The following DNAJC3 variants were observed in gnomAD, a reference collection of about 807,000 sequenced individuals.
DNAJC3 encodes DnaJ heat shock protein family (Hsp40) member C3.
Under a neutral mutation model 68.6 loss-of-function variants are expected in DNAJC3, and 38 were observed. The observed-to-expected ratio is 0.55, with a 90% CI of 0.43 to 0.73. The LOEUF is 0.73. DNAJC3 is among the 30% of genes least tolerant of loss of function. The probability of loss-of-function intolerance (pLI) is 0.00; values close to 1 mark genes in which losing one functional copy is unlikely to be tolerated. For synonymous variants in DNAJC3, 203 were observed against 204.0 expected (o/e 1.00, Z 0.04); for missense variants, 526 against 591.9 (o/e 0.89, Z 1.16).
In DNAJC3 at chr13:95,763,813, T is replaced by C. The variant is rs1302195827; in HGVS notation, c.955-20T>C. 1 of 1,613,930 alleles carries C rather than the reference T, an allele frequency of 6.2e-7. No individual in the cohort carries two copies. The highest frequency in any genetic ancestry group is 8.5e-7 in the Non-Finnish European group (1 of 1,179,936). ...ATGTGGAATACCAACCATAAATCCT[T>C]GTCTCACATTTCCTTTTAGGACGAG... On this transcript the variant is annotated intron_variant, in intron 8 of 11. Transcript: ENST00000602402.
At chr13:95,723,039 G>T (rs200267635) in intron 2 of DNAJC3, among the ~76,000 whole-genome samples, 66 of 151,852 alleles carry the variant, frequency 4.3e-4, no homozygotes, top group Non-Finnish European at 8.7e-4. Context: ...GATGTGGCTT[G>T]GGCTGTACTT....
At chr13:95,695,801 C>T (rs1486704272) in intron 1 of DNAJC3, 2 of 152,214 alleles carry the variant, frequency 1.3e-5, no homozygotes, top group East Asian at 1.9e-4. Flanking sequence ...ATTCCCGCTT[C>T]ACCGTCAACA....
At chr13:95,679,827 TAAA>T (rs552840561) in intron 1 of DNAJC3, among the ~76,000 whole-genome samples, 1 of 152,134 alleles carries the variant, frequency 6.6e-6, no homozygotes, top group Non-Finnish European at 1.5e-5. Context: ...AATTCACTTT[TAAA>T]AAAAGAAATG....
intron 2 of DNAJC3, among the ~76,000 whole-genome samples, chr13:95,715,733 C>G (rs1281228206): frequency 6.6e-6 from 1 of 151,860 alleles, no homozygotes; most frequent in African/African-American, 2.4e-5. Flanking sequence ...TGATCCACCC[C>G]CCCTTGGCCT....
intron 4 of DNAJC3, among the ~76,000 whole-genome samples, chr13:95,732,695 T>A (rs1032838568): frequency 1.3e-5 from 2 of 151,438 alleles, no homozygotes; most frequent in African/African-American, 2.4e-5. Context: ...GTGATCTTTA[T>A]TTTTTTTTCC....
At chr13:95,750,431 C>A (rs1027952011) in intron 4 of DNAJC3, among the ~76,000 whole-genome samples, 2 of 152,100 alleles carry the variant, frequency 1.3e-5, no homozygotes, top group Non-Finnish European at 2.9e-5. Context: ...TGATCTCCAT[C>A]GTCATCTATA....
intron 9 of DNAJC3, among the ~76,000 whole-genome samples, chr13:95,764,321 C>T (rs1249382966): frequency 2.0e-5 from 3 of 150,402 alleles, no homozygotes; most frequent in Non-Finnish European, 4.4e-5. Flanking sequence ...ACATATATTA[C>T]TCTATATTTT....
intron 4 of DNAJC3, among the ~76,000 whole-genome samples, chr13:95,755,136 C>T (rs1594007697): frequency 6.6e-6 from 1 of 152,022 alleles, no homozygotes; most frequent in East Asian, 1.9e-4. Context: ...AGTCAACAGC[C>T]TCATGGTAAT....
intron 9 of DNAJC3, among the ~76,000 whole-genome samples, chr13:95,768,134 TTG>T (rs1883055862): frequency 6.6e-6 from 1 of 152,210 alleles, no homozygotes; most frequent in Admixed American, 6.5e-5. Context: ...CATATGCCAT[TTG>T]TATATTTTCT....
chr13:95,786,862 G>T (rs181397266), intron 10 of DNAJC3, 145 bp from the exon 11 acceptor site: 3 of 913,504 alleles, frequency 3.3e-6, no homozygotes, highest in African/African-American at 1.7e-5. Flanking sequence ...TGTGTATGCA[G>T]ATCTTTGGCC....
intron 9 of DNAJC3, 79 bp from the exon 10 acceptor site, chr13:95,785,860 A>C: frequency 7.3e-7 from 1 of 1,363,212 alleles, no homozygotes; most frequent in Non-Finnish European, 9.8e-7. Context: ...TGACGACTTT[A>C]GCATCAATTT....
chr13:95,782,101 A>G (rs1883472860), intron 9 of DNAJC3, among the ~76,000 whole-genome samples: 1 of 152,144 alleles, frequency 6.6e-6, no homozygotes, highest in Non-Finnish European at 1.5e-5. Flanking sequence ...AATGGTTTCC[A>G]GCTTCATCCA....
At chr13:95,721,580 A>T (rs985461721) in intron 2 of DNAJC3, among the ~76,000 whole-genome samples, 1 of 149,778 alleles carries the variant, frequency 6.7e-6, no homozygotes, top group African/African-American at 2.5e-5. Context: ...TTGTTATTTT[A>T]TCTTTTTATT....
At chr13:95,712,251 T>C (rs1880994456) in intron 2 of DNAJC3, among the ~76,000 whole-genome samples, 1 of 152,312 alleles carries the variant, frequency 6.6e-6, no homozygotes, top group East Asian at 1.9e-4. Flanking sequence ...CATCATACTT[T>C]ATGGTGAATA....
chr13:95,773,580 A>G (rs1296439818), intron 9 of DNAJC3, among the ~76,000 whole-genome samples: 1 of 151,998 alleles, frequency 6.6e-6, no homozygotes, highest in Non-Finnish European at 1.5e-5. Context: ...ACATTGCTGA[A>G]TTTGTTGGCA....
intron 2 of DNAJC3, among the ~76,000 whole-genome samples, chr13:95,717,695 C>T (rs1263465566): frequency 2.0e-5 from 3 of 152,198 alleles, no homozygotes; most frequent in Non-Finnish European, 4.4e-5. Context: ...ATAAGTCTCA[C>T]GAGATCTGAA....
chr13:95,711,748 A>G (rs192809005), intron 2 of DNAJC3, among the ~76,000 whole-genome samples: 2 of 152,334 alleles, frequency 1.3e-5, no homozygotes, highest in East Asian at 3.9e-4. Flanking sequence ...GAGAAATAAC[A>G]AATTTATAAT....
At chr13:95,688,935 T>G (rs944622525) in intron 1 of DNAJC3, among the ~76,000 whole-genome samples, 54 of 139,900 alleles carry the variant, frequency 3.9e-4, no homozygotes, top group Middle Eastern at 3.7e-3. Context: ...TGGGTGTGTG[T>G]GTGTGTGTGT....
chr13:95,725,273 A>C (rs747783928), intron 4 of DNAJC3, 21 bp downstream of exon 4: 9 of 1,539,110 alleles, frequency 5.8e-6, no homozygotes, highest in Non-Finnish European at 7.9e-6. Flanking sequence ...TATGTATTTG[A>C]CTCTAGGAAG....
Sources: gnomAD v4.1 joint callset for allele counts (sites outside exome capture counted in the v4.1 genomes callset) on GRCh38, gnomAD v4.1.1 for gene constraint, MANE v1.5 for transcripts, NCBI Gene and HGNC (gene_info 2026-07-23, HGNC 2026-07-21) for gene names.